Variants in AGBL4 observed in about 807,000 individuals in gnomAD.
AGBL4 encodes the protein cytosolic carboxypeptidase 6.
A neutral mutation model predicts 66.4 loss-of-function variants in AGBL4; 58 were observed. The observed-to-expected ratio is 0.87, with a 90% CI of 0.71 to 1.09. AGBL4 has a LOEUF of 1.09. Ranked by LOEUF, AGBL4 falls within the 50% of genes least tolerant of loss-of-function variation. The pLI is 0.00. For missense variants in AGBL4, 579 were observed against 631.0 expected, an observed-to-expected ratio of 0.92 and a Z score of 0.88; for synonymous variants, 234 against 222.9, an observed-to-expected ratio of 1.05 and a Z score of -0.44.
At position 48,840,589 on chromosome 1, in the gene AGBL4, A is replaced by G. The variant is rs116722268; in HGVS notation, c.634+26602T>C. Among the ~76,000 whole-genome samples the G allele has an allele frequency of 3.6e-3, 555 of 152,302 alleles. 3 individuals are homozygous for G. Among genetic ancestry groups the G allele is most frequent in the African/African-American group, 0.012 (498 of 41,562 alleles). On this transcript the variant is annotated intron_variant, in intron 6 of 13. Transcript: ENST00000371839. ...AAACACAAGCTATCACTACAGACCA[A>G]TTAGACTGGTGAGAATAAAATAAAA...
intron 3 of AGBL4, among the ~76,000 whole-genome samples, chr1:49,347,785 G>A (rs189468248): frequency 1.3e-4 from 20 of 151,824 alleles, no homozygotes; most frequent in African/African-American, 4.3e-4. Flanking sequence ...GCTTGAACCC[G>A]GGAGGCAGAC....
At chr1:49,006,931 A>C (rs1571214278) in intron 5 of AGBL4, among the ~76,000 whole-genome samples, 2 of 110,332 alleles carry the variant, frequency 1.8e-5, no homozygotes, top group East Asian at 4.3e-4. Context: ...TGGGGAAAAA[A>C]CAGAACAGAA....
chr1:48,781,829 T>G (rs72681067), intron 6 of AGBL4, among the ~76,000 whole-genome samples: 2,952 of 152,336 alleles, frequency 0.019, 54 homozygotes, highest in Non-Finnish European at 0.033. Flanking sequence ...CCCAGCTCTT[T>G]GTCTTCTGCC....
intron 2 of AGBL4, among the ~76,000 whole-genome samples, chr1:49,700,248 T>C (rs1206386033): frequency 2.0e-5 from 3 of 150,960 alleles, no homozygotes; most frequent in Non-Finnish European, 4.4e-5. Flanking sequence ...TGAATAGGGG[T>C]ATTTCATTTT....
intron 4 of AGBL4, among the ~76,000 whole-genome samples, chr1:49,165,807 A>C (rs1478719125): frequency 2.0e-5 from 3 of 152,002 alleles, no homozygotes; most frequent in Non-Finnish European, 2.9e-5. Context: ...GAAGGAAGAA[A>C]GGGATGCATG....
intron 2 of AGBL4, among the ~76,000 whole-genome samples, chr1:49,830,474 T>C (rs1368148714): frequency 6.6e-6 from 1 of 152,224 alleles, no homozygotes; most frequent in Non-Finnish European, 1.5e-5. Flanking sequence ...TTTTTTCTTA[T>C]AAATTTAAGT....
intron 3 of AGBL4, among the ~76,000 whole-genome samples, chr1:49,615,867 C>T (rs750979094): frequency 6.6e-6 from 1 of 152,060 alleles, no homozygotes; most frequent in Non-Finnish European, 1.5e-5. Context: ...GACACTTTTC[C>T]TGATCTCAAA....
chr1:49,492,481 A>T (rs1647211635), intron 3 of AGBL4, among the ~76,000 whole-genome samples: 1 of 151,988 alleles, frequency 6.6e-6, no homozygotes, highest in Non-Finnish European at 1.5e-5. Context: ...AACTGTTGAT[A>T]AGGGGGGACT....
At chr1:48,640,394 T>C (rs1298970719) in intron 8 of AGBL4, among the ~76,000 whole-genome samples, 1 of 152,188 alleles carries the variant, frequency 6.6e-6, no homozygotes, top group East Asian at 1.9e-4. Context: ...GAAGATTCAA[T>C]ATATTTATTG....
chr1:49,038,846 T>C lies in AGBL4; in HGVS notation c.594+6738A>G, dbSNP rs376454970. On this transcript the variant is annotated intron_variant, in intron 5 of 13. Transcript: ENST00000371839. Reference sequence around the variant, plus strand: ...CCATACAATCCAGCAACTGGACTCCTTGGAATTTACCCAAAGGAGCTGAAA... The same window carrying C: ...CCATACAATCCAGCAACTGGACTCCCTGGAATTTACCCAAAGGAGCTGAAA... Among the ~76,000 whole-genome samples, 67 of 152,210 alleles carry C rather than the reference T, an allele frequency of 4.4e-4. 1 individual carries two copies. The South Asian group carries it at 9.3e-3, about 21-fold the overall frequency.
At chr1:48,824,801 T>C (rs551353831) in intron 6 of AGBL4, among the ~76,000 whole-genome samples, 45 of 152,136 alleles carry the variant, frequency 3.0e-4, no homozygotes, top group Non-Finnish European at 5.4e-4. Flanking sequence ...GCTGAGGGGC[T>C]ACGGGGGCAA....
intron 4 of AGBL4, among the ~76,000 whole-genome samples, chr1:49,193,266 C>T (rs1429869828): frequency 6.8e-6 from 1 of 148,040 alleles, no homozygotes; most frequent in East Asian, 2.0e-4. Flanking sequence ...TTAGTTTGTT[C>T]TTGTTTTTCT....
At chr1:49,515,531 T>A (rs1200707117) in intron 3 of AGBL4, among the ~76,000 whole-genome samples, 2 of 151,890 alleles carry the variant, frequency 1.3e-5, no homozygotes, top group Non-Finnish European at 2.9e-5. Flanking sequence ...AGCAATCCCA[T>A]TACTGGGTAT....
intron 1 of AGBL4, among the ~76,000 whole-genome samples, chr1:49,907,077 G>A (rs2148202495): frequency 6.6e-6 from 1 of 152,166 alleles, no homozygotes; most frequent in Admixed American, 6.5e-5. Flanking sequence ...GCTTTTCTAA[G>A]TTGTAGCAAA....
Position 49,845,151 on chromosome 1 carries a change from G to GGTACGC in AGBL4, c.157+6244_157+6245insGCGTAC, listed in dbSNP as rs2148048963. Reference sequence around the variant, plus strand: ...AACACCACCGTACGCATACAGGACAGAGACCTTATGAATGTCACAAATGAG... The same window carrying GGTACGC: ...AACACCACCGTACGCATACAGGACAGGTACGCAGACCTTATGAATGTCACAAATGAG... On this transcript the variant is annotated intron_variant, in intron 2 of 13. Transcript: ENST00000371839. 26 of 1,397,342 alleles carry GGTACGC rather than the reference G, an allele frequency of 1.9e-5. No homozygotes were observed. In the South Asian group the frequency reaches 3.0e-4, roughly 16 times the overall value. The allele number at this position is 1,397,342 out of a possible 1,614,324, so 86.6% of individuals were successfully genotyped here. A position where few individuals can be genotyped will look rare whatever the true frequency, so the allele number is the denominator to read the frequency against.
chr1:48,880,003 G>C (rs779193841), intron 5 of AGBL4, among the ~76,000 whole-genome samples: 43 of 152,068 alleles, frequency 2.8e-4, no homozygotes, highest in Admixed American at 4.6e-4. Flanking sequence ...GGGAACAGGT[G>C]GTATTTGGTT....
chr1:49,484,543 A>G (rs1489026274), intron 3 of AGBL4, among the ~76,000 whole-genome samples: 1 of 152,074 alleles, frequency 6.6e-6, no homozygotes, highest in Non-Finnish European at 1.5e-5. Context: ...GTGGGATCTG[A>G]AAATTTAAAC....
At chr1:48,767,069 T>C (rs1644566742) in intron 6 of AGBL4, among the ~76,000 whole-genome samples, 1 of 152,172 alleles carries the variant, frequency 6.6e-6, no homozygotes, top group Admixed American at 6.5e-5. Context: ...TTACTGAACA[T>C]TCAGTGTCAT....
intron 5 of AGBL4, among the ~76,000 whole-genome samples, chr1:49,004,901 T>A (rs1318934414): frequency 6.6e-6 from 1 of 152,208 alleles, no homozygotes; most frequent in Admixed American, 6.5e-5. Context: ...GAGTATAGCA[T>A]GCCTGGTGAC....
Sources: gnomAD v4.1 joint callset for allele counts (sites outside exome capture counted in the v4.1 genomes callset) on GRCh38, gnomAD v4.1.1 for gene constraint, MANE v1.5 for transcripts, NCBI Gene and HGNC (gene_info 2026-07-23, HGNC 2026-07-21) for gene names.